Variants in MSN observed in about 807,000 individuals in gnomAD.
The protein encoded by MSN is moesin.
In MSN, 2 loss-of-function variants were observed where a neutral mutation model predicts 48.0. That is an observed-to-expected ratio of 0.04 (90% confidence interval 0.02 to 0.13). MSN has a LOEUF of 0.13. Among genes scored for constraint, MSN ranks in the 10% least tolerant of loss-of-function variants. The probability of loss-of-function intolerance (pLI) is 1.00; values close to 1 mark genes in which losing one functional copy is unlikely to be tolerated. For missense variants in MSN, 267 were observed against 470.1 expected (o/e 0.57, Z 3.99); for synonymous variants, 146 against 166.9 (o/e 0.87, Z 0.97).
chrX:65,733,033 A>C (rs766147181), intron 6 of MSN, 151 bp from the exon 7 acceptor site: 17 of 425,659 alleles, frequency 4.0e-5, no homozygotes, highest in African/African-American at 3.3e-4. Flanking sequence ...CCTGGGTAAC[A>C]TAGTGAGACC....
chrX:65,670,947 TATATATA>T (rs2070934201), intron 1 of MSN, among the ~76,000 whole-genome samples: 1 of 56,773 alleles, frequency 1.8e-5, no homozygotes, highest in African/African-American at 7.5e-5. Context: ...TATATATATA[TATATATA>T]TTTAAAAAGG....
intron 1 of MSN, among the ~76,000 whole-genome samples, chrX:65,595,589 G>A (rs2070180787): frequency 8.9e-6 from 1 of 111,938 alleles, no homozygotes; most frequent in Admixed American, 9.5e-5. Flanking sequence ...ACAGCAAGTG[G>A]TCTAGTTGGG....
At chrX:65,644,336 A>G (rs1337971029) in intron 1 of MSN, among the ~76,000 whole-genome samples, 1 of 111,294 alleles carries the variant, frequency 9.0e-6, no homozygotes, top group Non-Finnish European at 1.9e-5. Context: ...GACACTTCTT[A>G]GTCCTATCCC....
chrX:65,682,538 T>C (rs1349181743), intron 1 of MSN, among the ~76,000 whole-genome samples: 2 of 111,448 alleles, frequency 1.8e-5, no homozygotes, highest in Admixed American at 9.5e-5. Context: ...AGGGACTTGC[T>C]CAAGGTCATG....
intron 1 of MSN, among the ~76,000 whole-genome samples, chrX:65,685,587 A>AGTTTTT (rs1043136917): frequency 9.0e-6 from 1 of 111,349 alleles, no homozygotes; most frequent in South Asian, 3.7e-4. Context: ...GCATCACTGA[A>AGTTTTT]GTTTTTGTTT....
chrX:65,737,162 C>T lies in MSN; in HGVS notation c.1091-16C>T. On this transcript the variant is annotated splice_polypyrimidine_tract_variant and intron_variant, in intron 9 of 12. Transcript: ENST00000360270. ...TCTGTGCTCTTCACTGCCTTCTCCC[C>T]TCCTTTTCTGCTCAGAACTGGAAGA... 8.3e-7 allele frequency: 1 copy of T among 1,198,355 alleles called. No homozygotes were observed. The highest frequency in any genetic ancestry group is 1.1e-6 in the Non-Finnish European group (1 of 888,483).
intron 1 of MSN, among the ~76,000 whole-genome samples, chrX:65,617,504 G>A (rs1276662267): frequency 1.9e-4 from 20 of 106,323 alleles, no homozygotes; most frequent in African/African-American, 7.7e-4. Flanking sequence ...AGAGGTGTTT[G>A]TAGTATTCCC....
chrX:65,614,343 T>C (rs1380980104), intron 1 of MSN, among the ~76,000 whole-genome samples: 3 of 112,036 alleles, frequency 2.7e-5, no homozygotes, highest in Non-Finnish European at 3.8e-5. Context: ...AGGATTTTCT[T>C]GGTTATACGG....
upstream of MSN, among the ~76,000 whole-genome samples, chrX:65,666,681 G>A (rs765376794): frequency 1.0e-4 from 11 of 110,514 alleles, no homozygotes; most frequent in African/African-American, 3.0e-4. Flanking sequence ...GGCTGGTCTC[G>A]AATTCCTGGG....
chrX:65,665,440 T>C, upstream of MSN, among the ~76,000 whole-genome samples: 1 of 112,078 alleles, frequency 8.9e-6, no homozygotes, highest in African/African-American at 3.2e-5. Context: ...TGCTGCTCTT[T>C]GAACAAATGC....
intron 1 of MSN, among the ~76,000 whole-genome samples, chrX:65,627,732 C>A (rs2070519657): frequency 9.0e-6 from 1 of 111,474 alleles, no homozygotes; most frequent in Non-Finnish European, 1.9e-5. Context: ...AATCTTAACT[C>A]ATTTCAGCAT....
chrX:65,720,865 G>T lies in MSN; in HGVS notation c.96+3964G>T, dbSNP rs189483736. ...AGGGCCTGGTGGGAAAGGGAAGTAG[G>T]ACTCATAGTTTGTCTCATTTACCTC... On this transcript the variant is annotated intron_variant, in intron 2 of 12. Coordinates refer to ENST00000360270, the MANE Select transcript of MSN (RefSeq NM_002444.3). Among the ~76,000 whole-genome samples the T allele has an allele frequency of 1.6e-3, 175 of 112,149 alleles. No individual in the cohort carries two copies. The Middle Eastern group carries it at 0.018, about 12-fold the overall frequency.
intron 1 of MSN, among the ~76,000 whole-genome samples, chrX:65,619,503 C>T (rs1326805984): frequency 4.0e-5 from 4 of 99,119 alleles, no homozygotes; most frequent in East Asian, 5.6e-4. Flanking sequence ...ATCGCATCGG[C>T]TCCTGAGGCT....
At chrX:65,647,932 C>A (rs1048969881) in intron 1 of MSN, among the ~76,000 whole-genome samples, 1 of 111,699 alleles carries the variant, frequency 9.0e-6, no homozygotes, top group African/African-American at 3.3e-5. Context: ...GAAAATATTT[C>A]TCTGGCTTCT....
At chrX:65,725,962 G>C (rs1291294412) in intron 2 of MSN, among the ~76,000 whole-genome samples, 5 of 112,113 alleles carry the variant, frequency 4.5e-5, no homozygotes, top group African/African-American at 1.6e-4. Flanking sequence ...GGAAGGCGAG[G>C]CCCAGAGAGG....
chrX:65,641,549 A>AAT (rs1240566144), intron 1 of MSN, among the ~76,000 whole-genome samples: 3 of 32,570 alleles, frequency 9.2e-5, no homozygotes, highest in African/African-American at 1.1e-4. Context: ...AAAAAAGTGA[A>AAT]GTATATATAT....
At chrX:65,599,168 G>C (rs186294238) in intron 1 of MSN, among the ~76,000 whole-genome samples, 1 of 110,236 alleles carries the variant, frequency 9.1e-6, no homozygotes, top group Admixed American at 9.7e-5. Flanking sequence ...GGTAACACGA[G>C]CCTGTAGTCC....
At chrX:65,593,839 G>C (rs955145509) in intron 1 of MSN, among the ~76,000 whole-genome samples, 1 of 112,741 alleles carries the variant, frequency 8.9e-6, no homozygotes, top group Non-Finnish European at 1.9e-5. Flanking sequence ...CACTGCACCC[G>C]GCAGGCAAAT....
intron 1 of MSN, among the ~76,000 whole-genome samples, chrX:65,710,226 C>T (rs1041825055): frequency 1.8e-5 from 2 of 112,471 alleles, no homozygotes; most frequent in African/African-American, 6.5e-5. Flanking sequence ...CTAATTTCCA[C>T]GAAAGGTTTT....
Sources: gnomAD v4.1 joint callset for allele counts (sites outside exome capture counted in the v4.1 genomes callset) on GRCh38, gnomAD v4.1.1 for gene constraint, MANE v1.5 for transcripts, NCBI Gene and HGNC (gene_info 2026-07-23, HGNC 2026-07-21) for gene names.